NTM: variants seen among roughly 807,000 people sequenced by gnomAD.
NTM encodes IgLON family member 2.
NTM carries 13 observed loss-of-function variants against 42.1 expected under a neutral mutation model. The observed-to-expected ratio is 0.31, with a 90% confidence interval of 0.20 to 0.49. NTM has a LOEUF of 0.49. Ranked by LOEUF, NTM falls within the 20% of genes least tolerant of loss-of-function variation. NTM has a pLI of 0.99. For synonymous variants in NTM, 187 were observed against 179.2 expected (o/e 1.04, Z -0.35); for missense variants, 373 against 452.8 (o/e 0.82, Z 1.60).
chr11:132,019,750 T>C (rs2074036526), intron 2 of NTM, among the ~76,000 whole-genome samples: 1 of 152,108 alleles, frequency 6.6e-6, no homozygotes, highest in African/African-American at 2.4e-5. Flanking sequence ...GATTATTAAA[T>C]ATTTTAGATT....
intron 2 of NTM, among the ~76,000 whole-genome samples, chr11:131,960,508 G>T (rs540380813): frequency 2.0e-5 from 3 of 149,736 alleles, no homozygotes; most frequent in African/African-American, 7.4e-5. Context: ...TATGTTTTGT[G>T]ATGATGTTCC....
chr11:131,551,791 A>G lies in NTM; in HGVS notation c.82+180903A>G, dbSNP rs2034383. ...GCCCAAAGTTATGGCCACAACAGCA[A>G]ACCCTAGTCCTCAGGTAACTTAGAA... On this transcript the variant is annotated intron_variant, in intron 1 of 8. Coordinates refer to ENST00000683400, the MANE Select transcript of NTM (RefSeq NM_001352005.2). Among the ~76,000 whole-genome samples the G allele has an allele frequency of 7.0e-3, 1,067 of 152,296 alleles. 14 individuals are homozygous for G. Among genetic ancestry groups the G allele is most frequent in the African/African-American group, 0.025 (1,031 of 41,558 alleles).
At chr11:131,921,011 T>C (rs539317634) in intron 2 of NTM, among the ~76,000 whole-genome samples, 11 of 152,342 alleles carry the variant, frequency 7.2e-5, no homozygotes, top group African/African-American at 2.4e-4. Flanking sequence ...TCCAAAATTC[T>C]AACCCTTCAG....
intron 1 of NTM, among the ~76,000 whole-genome samples, chr11:131,907,365 A>G (rs777693420): frequency 5.3e-5 from 8 of 152,142 alleles, no homozygotes; most frequent in Non-Finnish European, 1.2e-4. Context: ...GTCTCCATCT[A>G]CTGCTTCCTC....
At chr11:132,175,015 T>A (rs1337955324) in intron 3 of NTM, among the ~76,000 whole-genome samples, 1 of 152,142 alleles carries the variant, frequency 6.6e-6, no homozygotes, top group African/African-American at 2.4e-5. Flanking sequence ...GACCTTCACT[T>A]TCCCCCTGCA....
At chr11:131,860,749 C>G (rs147413954) in intron 1 of NTM, among the ~76,000 whole-genome samples, 2 of 152,164 alleles carry the variant, frequency 1.3e-5, no homozygotes, top group African/African-American at 4.8e-5. Context: ...TTTCACCACC[C>G]CCTGAATTCT....
intron 2 of NTM, among the ~76,000 whole-genome samples, chr11:131,960,069 T>G (rs975725721): frequency 6.6e-6 from 1 of 152,144 alleles, no homozygotes; most frequent in Non-Finnish European, 1.5e-5. Flanking sequence ...TTGAATTCCT[T>G]CCAGGGCAAG....
intron 2 of NTM, among the ~76,000 whole-genome samples, chr11:132,008,225 C>T (rs78456408): frequency 0.028 from 4,303 of 152,172 alleles, 71 homozygotes; most frequent in South Asian, 0.053. Flanking sequence ...TTACCCCTCG[C>T]CACTTATGGG....
chr11:131,814,250 C>G (rs1315353220), intron 1 of NTM, among the ~76,000 whole-genome samples: 1 of 152,102 alleles, frequency 6.6e-6, no homozygotes, highest in East Asian at 1.9e-4. Flanking sequence ...TGCTATGTTC[C>G]CTGGTGTTTC....
chr11:131,789,873 G>A (rs568895787), intron 1 of NTM, among the ~76,000 whole-genome samples: 27 of 146,280 alleles, frequency 1.8e-4, no homozygotes, highest in East Asian at 8.6e-4. Context: ...GGAGAATGGC[G>A]TGAACCCGGG....
At chr11:131,857,530 C>T (rs763137664) in intron 1 of NTM, among the ~76,000 whole-genome samples, 13 of 152,250 alleles carry the variant, frequency 8.5e-5, no homozygotes, top group Middle Eastern at 3.4e-3. Flanking sequence ...AAATGCATTA[C>T]TCCTTGCTGC....
intron 1 of NTM, among the ~76,000 whole-genome samples, chr11:131,497,335 C>G (rs1435027126): frequency 2.0e-5 from 3 of 151,762 alleles, no homozygotes; most frequent in Admixed American, 1.3e-4. Context: ...ATTACAGGCT[C>G]CTGCCACCAT....
At chr11:131,609,558 C>A (rs1311291358) in intron 1 of NTM, among the ~76,000 whole-genome samples, 1 of 152,122 alleles carries the variant, frequency 6.6e-6, no homozygotes, top group Non-Finnish European at 1.5e-5. Context: ...GGACTTAATC[C>A]CGAGAAGATC....
chr11:132,298,718 A>T (rs1312338312), intron 4 of NTM, among the ~76,000 whole-genome samples: 2 of 152,242 alleles, frequency 1.3e-5, no homozygotes, highest in Non-Finnish European at 2.9e-5. Flanking sequence ...TATCAAAAAA[A>T]AATTAAGGGA....
At chr11:131,741,849 A>G (rs1180403003) in intron 1 of NTM, among the ~76,000 whole-genome samples, 1 of 152,178 alleles carries the variant, frequency 6.6e-6, no homozygotes, top group African/African-American at 2.4e-5. Flanking sequence ...GGTAGATTGG[A>G]TAAAGAAAAT....
At chr11:132,270,507 G>T (rs1046773043) in intron 4 of NTM, among the ~76,000 whole-genome samples, 1 of 152,168 alleles carries the variant, frequency 6.6e-6, no homozygotes, top group Non-Finnish European at 1.5e-5. Flanking sequence ...AAGATTACAA[G>T]CATGAGTCAC....
chr11:131,906,991 G>A (rs946960365), intron 1 of NTM, among the ~76,000 whole-genome samples: 2 of 152,114 alleles, frequency 1.3e-5, no homozygotes, highest in Admixed American at 6.5e-5. Context: ...TGCCCTAGAG[G>A]CATCTCTTTA....
At chr11:131,942,481 C>G (rs1485922033) in intron 2 of NTM, among the ~76,000 whole-genome samples, 1 of 152,134 alleles carries the variant, frequency 6.6e-6, no homozygotes, top group South Asian at 2.1e-4. Flanking sequence ...CATCTGGAAG[C>G]AAGGGGGCTG....
intron 1 of NTM, among the ~76,000 whole-genome samples, chr11:131,580,337 A>T (rs1185682494): frequency 6.6e-6 from 1 of 152,160 alleles, no homozygotes; most frequent in Non-Finnish European, 1.5e-5. Context: ...TTATAGCCAC[A>T]TTACGGTATA....
Sources: allele counts gnomAD v4.1 joint callset (sites outside exome capture counted in the v4.1 genomes callset), GRCh38; gene constraint gnomAD v4.1.1; transcripts MANE v1.5; gene names NCBI Gene and HGNC (gene_info 2026-07-23, HGNC 2026-07-21).